PLXNA2: variants seen among roughly 807,000 people sequenced by gnomAD.
PLXNA2 encodes plexin-A2.
In PLXNA2, 91 loss-of-function variants were observed where a neutral mutation model predicts 193.5. The ratio of observed to expected loss-of-function variants is 0.47; its 90% CI spans 0.40 to 0.56. The LOEUF is 0.56. PLXNA2 is among the 20% of genes least tolerant of loss of function. PLXNA2 has a pLI of 0.00. For synonymous variants in PLXNA2, 997 were observed against 1,027.3 expected, an observed-to-expected ratio of 0.97 and a Z score of 0.56; for missense variants, 1,995 against 2,503.2, an observed-to-expected ratio of 0.80 and a Z score of 4.33.
intron 20 of PLXNA2, among the ~76,000 whole-genome samples, chr1:208,043,776 G>C (rs940051206): frequency 2.0e-5 from 3 of 152,246 alleles, no homozygotes; most frequent in African/African-American, 7.2e-5. Flanking sequence ...GGCTCCACAT[G>C]TCCTATTTCC....
chr1:208,043,941 C>T (rs891602780), intron 20 of PLXNA2, among the ~76,000 whole-genome samples: 3 of 152,260 alleles, frequency 2.0e-5, no homozygotes, highest in Middle Eastern at 3.2e-3. Flanking sequence ...CTCGTCACCT[C>T]GAGGCTGTGG....
chr1:208,200,550 A>G (rs1235565103), intron 3 of PLXNA2, among the ~76,000 whole-genome samples: 1 of 150,470 alleles, frequency 6.6e-6, no homozygotes, highest in Non-Finnish European at 1.5e-5. Context: ...ACCATCTGCA[A>G]CAGAGCAGTG....
chr1:208,232,945 G>T (rs1420484817), intron 1 of PLXNA2, among the ~76,000 whole-genome samples: 2 of 152,230 alleles, frequency 1.3e-5, no homozygotes, highest in Admixed American at 6.5e-5. Context: ...AAGCTTAGAA[G>T]ATTTAGGGTG....
In PLXNA2 at chr1:208,085,220, A is replaced by G. The variant is rs773822304; in HGVS notation, c.2098-640T>C. 4.3e-4 allele frequency among the ~76,000 whole-genome samples: 65 copies of G among 152,208 alleles called. 2 individuals carry two copies. Among genetic ancestry groups the G allele is most frequent in the Non-Finnish European group, 1.9e-4 (13 of 68,042 alleles). On this transcript the variant is annotated intron_variant, in intron 9 of 31. Coordinates refer to ENST00000367033, the MANE Select transcript of PLXNA2 (RefSeq NM_025179.4). ...GACCATGAGAGAGAGACAGTGAGAA[A>G]GACAGATTGATTTATGGAGCTCCAT...
At chr1:208,118,189 T>C (rs1667696651) in intron 4 of PLXNA2, among the ~76,000 whole-genome samples, 1 of 152,156 alleles carries the variant, frequency 6.6e-6, no homozygotes. Context: ...CTATCAGGCT[T>C]ATTGCATACA....
intron 4 of PLXNA2, among the ~76,000 whole-genome samples, chr1:208,131,583 G>A (rs1418125179): frequency 6.6e-6 from 1 of 152,142 alleles, no homozygotes; most frequent in Admixed American, 6.5e-5. Context: ...GACTTAAGAT[G>A]GGGAACACAG....
intron 29 of PLXNA2, chr1:208,029,343 C>T (rs1664430924): frequency 5.9e-6 from 7 of 1,196,158 alleles, no homozygotes; most frequent in South Asian, 3.7e-5. Flanking sequence ...CTCTGTGCCC[C>T]TAGGCAAGCC....
chr1:208,069,177 T>C (rs779921275), intron 12 of PLXNA2, among the ~76,000 whole-genome samples: 2 of 152,170 alleles, frequency 1.3e-5, no homozygotes. Context: ...GCCTAGGTCA[T>C]AGCACATATG....
intron 9 of PLXNA2, 70 bp from the exon 10 acceptor site, chr1:208,084,650 G>A: frequency 2.1e-6 from 3 of 1,433,796 alleles, no homozygotes; most frequent in Non-Finnish European, 2.9e-6. Context: ...GGACAGGCAG[G>A]CCCCTCTTGT....
At chr1:208,086,784 A>G (rs1227228598) in intron 9 of PLXNA2, among the ~76,000 whole-genome samples, 7 of 77,304 alleles carry the variant, frequency 9.1e-5, no homozygotes, top group Non-Finnish European at 1.8e-4. Flanking sequence ...TCATATATTT[A>G]TAGCCAAAAA....
intron 17 of PLXNA2, among the ~76,000 whole-genome samples, chr1:208,047,096 G>T (rs1171157566): frequency 6.6e-6 from 1 of 152,106 alleles, no homozygotes; most frequent in East Asian, 1.9e-4. Context: ...GAGTAGTTGG[G>T]ATTACAGGCA....
At chr1:208,096,944 C>CT in intron 6 of PLXNA2, 61 bp from the exon 7 acceptor site, 3 of 1,532,936 alleles carry the variant, frequency 2.0e-6, no homozygotes, top group Non-Finnish European at 2.6e-6. Flanking sequence ...GACTCCAGGT[C>CT]CAGCCCTGCT....
At position 208,148,795 on chromosome 1, in the gene PLXNA2, C is replaced by A. The variant is rs1274673093; in HGVS notation, c.1372-6332G>T. On this transcript the variant is annotated intron_variant, in intron 3 of 31. Coordinates refer to ENST00000367033, the MANE Select transcript of PLXNA2 (RefSeq NM_025179.4). ...GCACGGGGGGCGGAGCAGCATCTCA[C>A]CTGGCCTGAAGGAGGCCCTGAGGGG... is the stretch of plus-strand genomic sequence containing the variant. Among the ~76,000 whole-genome samples, 4 of 152,282 alleles carry A rather than the reference C, an allele frequency of 2.6e-5. No individual in the cohort carries two copies. The East Asian group carries it at 5.8e-4, about 22-fold the overall frequency.
Position 208,027,105 on chromosome 1 carries a change from C to T in PLXNA2, c.*138G>A. 1 of 765,582 alleles carries T rather than the reference C, an allele frequency of 1.3e-6. No individual in the cohort carries two copies. Among genetic ancestry groups the T allele is most frequent in the Admixed American group, 2.2e-5 (1 of 45,834 alleles). 47.4% of individuals were successfully genotyped at this position (765,582 alleles called of 1,614,324 possible). A position where few individuals can be genotyped will look rare whatever the true frequency, so the allele number is the denominator to read the frequency against. On this transcript the variant is annotated 3_prime_UTR_variant, in exon 32 of 32. Coordinates refer to ENST00000367033, the MANE Select transcript of PLXNA2 (RefSeq NM_025179.4). ...ACTTGGCTGGCGTAGGGAGAGGAGT[C>T]CTCCCCTCTCCCCAGGATGGGGTCT...
intron 3 of PLXNA2, among the ~76,000 whole-genome samples, chr1:208,168,724 GTTTT>G (rs10668701): frequency 5.5e-5 from 4 of 73,156 alleles, no homozygotes; most frequent in East Asian, 4.8e-4. Context: ...AGTATGCGGG[GTTTT>G]TTTTTTTTTT....
rs575138190 is a variant in PLXNA2 at position 208,110,560 on chromosome 1, G to A, written c.1507-7313C>T. On this transcript the variant is annotated intron_variant, in intron 4 of 31. Transcript: ENST00000367033. ...CAGCTGCATGTATCCAGTATTTACC[G>A]CATGCCAGGCACGTCACATAGATTA... 9.2e-5 allele frequency among the ~76,000 whole-genome samples: 14 copies of A among 152,316 alleles called. No homozygotes were observed. The South Asian group carries it at 1.0e-3, about 11-fold the overall frequency.
At chr1:208,054,397 C>A (rs761516804) in intron 14 of PLXNA2, 24 bp downstream of exon 14, 1 of 1,533,988 alleles carries the variant, frequency 6.5e-7, no homozygotes. Context: ...GGCACCTGCA[C>A]CTGGCCCTGG....
At chr1:208,196,854 G>A (rs189890886) in intron 3 of PLXNA2, among the ~76,000 whole-genome samples, 1 of 152,284 alleles carries the variant, frequency 6.6e-6, no homozygotes, top group African/African-American at 2.4e-5. Flanking sequence ...CAAGGGCGGG[G>A]GTAGATGTTG....
At position 208,091,643 on chromosome 1, in the gene PLXNA2, C is replaced by T. The variant is rs902311777; in HGVS notation, c.2097+1143G>A. Among the ~76,000 whole-genome samples the T allele has an allele frequency of 3.1e-4, 47 of 152,090 alleles. 2 individuals are homozygous for T. The highest frequency in any genetic ancestry group is 5.8e-4 in the East Asian group (3 of 5,148). Reference sequence around the variant, plus strand: ...ACCCCAACACTTTGGGAGGCCGAGGCGGGTGGATCATGAGGTCAAGAGATC... The same window carrying T: ...ACCCCAACACTTTGGGAGGCCGAGGTGGGTGGATCATGAGGTCAAGAGATC... On this transcript the variant is annotated intron_variant, in intron 9 of 31. Transcript: ENST00000367033.
Sources: allele counts gnomAD v4.1 joint callset (sites outside exome capture counted in the v4.1 genomes callset), GRCh38; gene constraint gnomAD v4.1.1; transcripts MANE v1.5; gene names NCBI Gene and HGNC (gene_info 2026-07-23, HGNC 2026-07-21).